IGF2BP3: variants seen among roughly 807,000 people sequenced by gnomAD.
The protein encoded by IGF2BP3 is insulin-like growth factor 2 mRNA-binding protein 3.
A neutral mutation model predicts 73.8 loss-of-function variants in IGF2BP3; 9 were observed. That is an observed-to-expected ratio of 0.12 (90% CI 0.07 to 0.21). The LOEUF (loss-of-function observed/expected upper bound fraction) is 0.21, where lower values mean the gene tolerates loss of function less well. IGF2BP3 is among the 10% of genes least tolerant of loss of function. IGF2BP3 has a pLI of 1.00. For missense variants in IGF2BP3, 542 were observed against 714.0 expected, an observed-to-expected ratio of 0.76 and a Z score of 2.75; for synonymous variants, 258 against 256.7, an observed-to-expected ratio of 1.01 and a Z score of -0.05.
chr7:23,350,360 T>C (rs755605686), intron 6 of IGF2BP3, among the ~76,000 whole-genome samples: 20 of 152,360 alleles, frequency 1.3e-4, no homozygotes, highest in South Asian at 4.1e-4. Context: ...GGCTCAAGGC[T>C]TGCACAATGG....
At chr7:23,454,864 C>T (rs1425325446) in intron 2 of IGF2BP3, among the ~76,000 whole-genome samples, 1 of 152,196 alleles carries the variant, frequency 6.6e-6, no homozygotes, top group East Asian at 1.9e-4. Flanking sequence ...GGAGCTTTAA[C>T]CAGCACCATT....
chr7:23,346,655 C>T (rs991156971), intron 7 of IGF2BP3, among the ~76,000 whole-genome samples: 1 of 151,090 alleles, frequency 6.6e-6, no homozygotes, highest in Non-Finnish European at 1.5e-5. Context: ...TGCAGTGGCG[C>T]GATCTCGGCT....
At chr7:23,407,953 CGGGGGGCGGGGGGG>C (rs1004751891) in intron 3 of IGF2BP3, among the ~76,000 whole-genome samples, 4 of 41,472 alleles carry the variant, frequency 9.6e-5, no homozygotes, top group East Asian at 3.6e-3. Context: ...GGGCAGGGGG[CGGGGGGCGGGGGGG>C]GGGGGAGTCA....
intron 2 of IGF2BP3, among the ~76,000 whole-genome samples, chr7:23,424,991 T>A (rs780585468): frequency 6.6e-6 from 1 of 152,218 alleles, no homozygotes. Context: ...TAGCATGCCA[T>A]GCTGAACTAC....
At chr7:23,343,516 T>C (rs10488282) in intron 9 of IGF2BP3, among the ~76,000 whole-genome samples, 17,478 of 152,252 alleles carry the variant, frequency 0.11, 1,354 homozygotes, top group Non-Finnish European at 0.18. Flanking sequence ...ACTGAATAAT[T>C]TGCTAAAGTC....
At chr7:23,425,685 A>T (rs544038946) in intron 2 of IGF2BP3, among the ~76,000 whole-genome samples, 1 of 152,258 alleles carries the variant, frequency 6.6e-6, no homozygotes, top group African/African-American at 2.4e-5. Context: ...CACCTCCAAT[A>T]ATTAGAAGAT....
intron 3 of IGF2BP3, among the ~76,000 whole-genome samples, chr7:23,395,046 C>T (rs1311610634): frequency 6.6e-6 from 1 of 152,104 alleles, no homozygotes; most frequent in East Asian, 1.9e-4. Flanking sequence ...TAGCATTAAT[C>T]CACCCTAATG....
At chr7:23,373,739 T>C (rs967732915) in intron 3 of IGF2BP3, among the ~76,000 whole-genome samples, 3 of 152,200 alleles carry the variant, frequency 2.0e-5, no homozygotes, top group African/African-American at 7.2e-5. Context: ...TCGAATCTCA[T>C]GCTGAAATGC....
intron 2 of IGF2BP3, among the ~76,000 whole-genome samples, chr7:23,464,330 T>A (rs985650517): frequency 3.9e-5 from 6 of 152,266 alleles, no homozygotes; most frequent in Non-Finnish European, 8.8e-5. Flanking sequence ...GTTCTTCACT[T>A]TCTTTTTTGC....
chr7:23,446,216 T>C (rs1367844428), intron 2 of IGF2BP3, among the ~76,000 whole-genome samples: 2 of 152,196 alleles, frequency 1.3e-5, no homozygotes, highest in African/African-American at 2.4e-5. Flanking sequence ...ATGAGTCTAA[T>C]ATTAATATAA....
chr7:23,436,335 T>C (rs1399969585), intron 2 of IGF2BP3, among the ~76,000 whole-genome samples: 5 of 152,240 alleles, frequency 3.3e-5, no homozygotes, highest in African/African-American at 1.2e-4. Context: ...TGTAAAAAGC[T>C]TGCTGTCTTC....
intron 5 of IGF2BP3, among the ~76,000 whole-genome samples, chr7:23,358,420 G>C (rs1011832684): frequency 1.3e-5 from 2 of 152,164 alleles, no homozygotes; most frequent in African/African-American, 4.8e-5. Flanking sequence ...GTTGGTTTAG[G>C]CAGCAGGCTG....
Position 23,388,675 on chromosome 7 carries a change from T to C in IGF2BP3, c.286-26934A>G, listed in dbSNP as rs80344385. 9.6e-3 allele frequency among the ~76,000 whole-genome samples: 1,444 copies of C among 150,640 alleles called. 27 individuals carry two copies. The highest frequency in any genetic ancestry group is 0.033 in the African/African-American group (1,362 of 41,202). ...AGGGAGGAGATTTTTAGCAGCCTCA[T>C]TCCCAGAAGTTTCTGCCTTTAGTTA... On this transcript the variant is annotated intron_variant, in intron 3 of 14. Coordinates refer to ENST00000258729, the MANE Select transcript of IGF2BP3 (RefSeq NM_006547.3).
At chr7:23,327,589 T>C (rs371819636) in intron 10 of IGF2BP3, among the ~76,000 whole-genome samples, 4 of 152,192 alleles carry the variant, frequency 2.6e-5, no homozygotes, top group South Asian at 4.1e-4. Context: ...CCTGAAATTC[T>C]TAAAAAGTCT....
chr7:23,354,488 C>G (rs951865112), intron 5 of IGF2BP3, among the ~76,000 whole-genome samples: 3 of 152,058 alleles, frequency 2.0e-5, no homozygotes, highest in Non-Finnish European at 4.4e-5. Flanking sequence ...ATTAATGTTA[C>G]AAAAATGGTA....
At chr7:23,317,157 A>G in intron 12 of IGF2BP3, among the ~76,000 whole-genome samples, 1 of 152,226 alleles carries the variant, frequency 6.6e-6, no homozygotes, top group East Asian at 1.9e-4. Flanking sequence ...TCATACCAGA[A>G]CAAATGCTAC....
chr7:23,319,968 T>C (rs1784090559), intron 10 of IGF2BP3, among the ~76,000 whole-genome samples: 1 of 152,084 alleles, frequency 6.6e-6, no homozygotes, highest in Non-Finnish European at 1.5e-5. Context: ...TAGAGTGCAA[T>C]GGCACGATCT....
At chr7:23,379,458 C>T (rs1425541140) in intron 3 of IGF2BP3, among the ~76,000 whole-genome samples, 1 of 152,086 alleles carries the variant, frequency 6.6e-6, no homozygotes, top group African/African-American at 2.4e-5. Flanking sequence ...ATTTGGGTAC[C>T]AATTTGGATA....
chr7:23,383,432 G>A (rs1280819544), intron 3 of IGF2BP3, among the ~76,000 whole-genome samples: 1 of 152,118 alleles, frequency 6.6e-6, no homozygotes, highest in Non-Finnish European at 1.5e-5. Context: ...ACCACAAGAG[G>A]ATACCACTTT....
Sources: allele counts gnomAD v4.1 joint callset (sites outside exome capture counted in the v4.1 genomes callset), GRCh38; gene constraint gnomAD v4.1.1; transcripts MANE v1.5; gene names NCBI Gene and HGNC (gene_info 2026-07-23, HGNC 2026-07-21).